The following PDCD6 variants were observed in gnomAD, a reference collection of about 807,000 sequenced individuals.
The protein encoded by PDCD6 is programmed cell death protein 6.
A neutral mutation model predicts 28.3 loss-of-function variants in PDCD6; 12 were observed. The observed-to-expected ratio is 0.42, with a 90% CI of 0.27 to 0.69. The LOEUF is 0.69. PDCD6 is among the 30% of genes least tolerant of loss of function. The pLI, the probability that PDCD6 is intolerant of heterozygous loss-of-function variation, is 0.22. For missense variants in PDCD6, 226 were observed against 269.9 expected, an observed-to-expected ratio of 0.84 and a Z score of 1.14; for synonymous variants, 92 against 108.0, an observed-to-expected ratio of 0.85 and a Z score of 0.92.
intron 2 of PDCD6, among the ~76,000 whole-genome samples, chr5:273,560 G>T (rs1375629402): frequency 1.3e-5 from 2 of 152,154 alleles, no homozygotes; most frequent in Non-Finnish European, 2.9e-5. Context: ...TAGAAAAGGG[G>T]TCAGTTTTGA....
Position 307,575 on chromosome 5 carries a change from G to A in PDCD6, c.367+815G>A, listed in dbSNP as rs1041392277. On this transcript the variant is annotated intron_variant, in intron 4 of 5. Coordinates refer to ENST00000264933, the MANE Select transcript of PDCD6 (RefSeq NM_013232.4). The surrounding 1 kb of genome is among the most constrained non-coding windows in gnomAD (Gnocchi z 6.1). Reference sequence around the variant, plus strand: ...CTCTCAGGGCTGAGAGGAAGCAGGGGTTTTATTTACAGAGGAACAACGGGC... The same window carrying A: ...CTCTCAGGGCTGAGAGGAAGCAGGGATTTTATTTACAGAGGAACAACGGGC... Among the ~76,000 whole-genome samples, 5 of 152,198 alleles carry A rather than the reference G, an allele frequency of 3.3e-5. No homozygotes were observed. The highest frequency in any genetic ancestry group is 1.2e-4 in the African/African-American group (5 of 41,454).
chr5:291,665 T>C (rs1396177382), intron 2 of PDCD6, among the ~76,000 whole-genome samples: 3 of 149,482 alleles, frequency 2.0e-5, no homozygotes, highest in African/African-American at 4.9e-5. Context: ...CACACTGACA[T>C]GGCTCATTTT....
chr5:277,301 A>AT lies in PDCD6; in HGVS notation c.163+4551dup, dbSNP rs74799424. Among the ~76,000 whole-genome samples the AT allele has an allele frequency of 6.3e-3, 540 of 86,190 alleles. 4 individuals carry two copies. Among genetic ancestry groups the AT allele is most frequent in the East Asian group, 0.017 (49 of 2,864 alleles). 56.5% of individuals were successfully genotyped at this position (86,190 alleles called of 152,430 possible). A position where few individuals can be genotyped will look rare whatever the true frequency, so the allele number is the denominator to read the frequency against. On this transcript the variant is annotated intron_variant, in intron 2 of 5. Transcript: ENST00000264933. Reference sequence around the variant, plus strand: ...CCACCACGCCCAGCTAATTTTTTGTATTTTTTTTTTTTTTTTTTTTTTGAG... The same window carrying AT: ...CCACCACGCCCAGCTAATTTTTTGTATTTTTTTTTTTTTTTTTTTTTTTGAG...
At position 288,123 on chromosome 5, in the gene PDCD6, T is replaced by A. The variant is rs371153476; in HGVS notation, c.163+15351T>A. On this transcript the variant is annotated intron_variant, in intron 2 of 5. Coordinates refer to ENST00000264933, the MANE Select transcript of PDCD6 (RefSeq NM_013232.4). ...CCTGGTATTTCAACAGACTTAAGAT[T>A]TCTAGGGTTTCACAAAGGCCAGATT... 3.9e-5 allele frequency among the ~76,000 whole-genome samples: 6 copies of A among 152,080 alleles called. No homozygotes were observed. The East Asian group carries it at 1.2e-3, about 29-fold the overall frequency.
intron 5 of PDCD6, among the ~76,000 whole-genome samples, chr5:312,874 CGT>C (rs1741012475): frequency 9.2e-6 from 1 of 109,114 alleles, no homozygotes; most frequent in Non-Finnish European, 1.6e-5. Flanking sequence ...TCTGAATTGC[CGT>C]AGGGCTCAGA....
At chr5:312,739 G>GGT (rs1741001382) in intron 5 of PDCD6, among the ~76,000 whole-genome samples, 1 of 151,400 alleles carries the variant, frequency 6.6e-6, no homozygotes, top group African/African-American at 2.4e-5. Context: ...GAACCCGGGA[G>GGT]GTGGAGGTTT....
chr5:279,210 A>G (rs1738409883), intron 2 of PDCD6, among the ~76,000 whole-genome samples: 1 of 151,728 alleles, frequency 6.6e-6, no homozygotes, highest in Non-Finnish European at 1.5e-5. Flanking sequence ...CCCCCCTAAG[A>G]GTATGACGCA....
chr5:296,739 G>C (rs193266894), intron 2 of PDCD6, among the ~76,000 whole-genome samples: 1 of 152,230 alleles, frequency 6.6e-6, no homozygotes, highest in Non-Finnish European at 1.5e-5. Context: ...CGCTCCCTTC[G>C]AGGGTGGAGA....
intron 2 of PDCD6, among the ~76,000 whole-genome samples, chr5:303,669 G>T (rs1740278298): frequency 6.6e-6 from 1 of 151,702 alleles, no homozygotes; most frequent in Non-Finnish European, 1.5e-5. Context: ...AGAACGGAAG[G>T]AAGGGGTCTG....
At chr5:277,528 T>C (rs1045022583) in intron 2 of PDCD6, among the ~76,000 whole-genome samples, 3 of 151,120 alleles carry the variant, frequency 2.0e-5, no homozygotes, top group Non-Finnish European at 4.4e-5. Context: ...GTCTCGATCT[T>C]ATGACCTCAT....
At chr5:286,654 G>A (rs949212580) in intron 2 of PDCD6, among the ~76,000 whole-genome samples, 2 of 150,022 alleles carry the variant, frequency 1.3e-5, no homozygotes, top group African/African-American at 2.5e-5. Flanking sequence ...CTTGAGACTC[G>A]GGGAGGTACT....
chr5:303,286 A>AT (rs1740229281), intron 2 of PDCD6, among the ~76,000 whole-genome samples: 1 of 136,704 alleles, frequency 7.3e-6, no homozygotes, highest in Non-Finnish European at 1.5e-5. Flanking sequence ...GGACTGTGGC[A>AT]TTTTTGTGCA....
intron 2 of PDCD6, among the ~76,000 whole-genome samples, chr5:298,057 C>T (rs532746028): frequency 6.6e-6 from 1 of 152,186 alleles, no homozygotes; most frequent in African/African-American, 2.4e-5. Flanking sequence ...GTCCCACAGA[C>T]CACAGCGTCC....
At chr5:301,086 T>G (rs1235607949) in intron 2 of PDCD6, among the ~76,000 whole-genome samples, 1 of 152,248 alleles carries the variant, frequency 6.6e-6, no homozygotes, top group Non-Finnish European at 1.5e-5. Flanking sequence ...CCAGAGAAGC[T>G]TCTGCTTATG....
At chr5:298,644 C>CCAGCTGCTCCCACT (rs1345363568) in intron 2 of PDCD6, among the ~76,000 whole-genome samples, 12 of 79,906 alleles carry the variant, frequency 1.5e-4, no homozygotes, top group African/African-American at 3.5e-4. Context: ...GCTGCTCCCC[C>CCAGCTGCTCCCACT]CAGCTGCTCC....
intron 2 of PDCD6, among the ~76,000 whole-genome samples, chr5:287,601 A>G (rs1212631755): frequency 6.6e-6 from 1 of 152,220 alleles, no homozygotes; most frequent in Admixed American, 6.5e-5. Flanking sequence ...CACACAATAT[A>G]CATCTTTTCA....
At chr5:299,985 CCTT>C (rs776363125) in intron 2 of PDCD6, among the ~76,000 whole-genome samples, 43 of 152,264 alleles carry the variant, frequency 2.8e-4, no homozygotes, top group Non-Finnish European at 5.4e-4. Flanking sequence ...CCATCACTGT[CCTT>C]CTCTCACATG....
rs778153237 is a variant in PDCD6 at position 314,768 on chromosome 5, A to G, written c.*253A>G. The G allele has an allele frequency of 3.6e-6, 2 of 562,712 alleles. No individual in the cohort carries two copies. Among genetic ancestry groups the G allele is most frequent in the Non-Finnish European group, 6.5e-6 (2 of 305,528 alleles). 34.9% of individuals were successfully genotyped at this position (562,712 alleles called of 1,614,324 possible). A position where few individuals can be genotyped will look rare whatever the true frequency, so the allele number is the denominator to read the frequency against. On this transcript the variant is annotated 3_prime_UTR_variant, in exon 6 of 6. Coordinates refer to ENST00000264933, the MANE Select transcript of PDCD6 (RefSeq NM_013232.4). ...TGCCATGAGGTAAATGTAATGTTTCAGGCATTCTGCTTGCAAAAAAATCTA... is the reference window on the plus strand; with the variant it reads ...TGCCATGAGGTAAATGTAATGTTTCGGGCATTCTGCTTGCAAAAAAATCTA...
intron 5 of PDCD6, among the ~76,000 whole-genome samples, chr5:312,918 G>A (rs189358139): frequency 4.1e-5 from 5 of 122,796 alleles, no homozygotes; most frequent in East Asian, 3.9e-4. Context: ...CTGAATTGCC[G>A]TAGGGCTCAG....
Sources: gnomAD v4.1 joint callset for allele counts (sites outside exome capture counted in the v4.1 genomes callset) on GRCh38, gnomAD v4.1.1 for gene constraint, Gnocchi (gnomAD v3.1) non-coding constraint, MANE v1.5 for transcripts, NCBI Gene and HGNC (gene_info 2026-07-23, HGNC 2026-07-21) for gene names.